The following ATF6 variants were observed in gnomAD, a reference collection of about 807,000 sequenced individuals.
The protein encoded by ATF6 is activating transcription factor 6.
Under a neutral mutation model 83.6 loss-of-function variants are expected in ATF6, and 53 were observed. That is an observed-to-expected ratio of 0.63 (90% CI 0.51 to 0.80). The LOEUF (loss-of-function observed/expected upper bound fraction) is 0.80, where lower values mean the gene tolerates loss of function less well. Ranked by LOEUF, ATF6 falls within the 30% of genes least tolerant of loss-of-function variation. The probability of loss-of-function intolerance (pLI) is 0.00; values close to 1 mark genes in which losing one functional copy is unlikely to be tolerated. For missense variants in ATF6, 744 were observed against 797.9 expected (o/e 0.93, Z 0.81); for synonymous variants, 288 against 285.8 (o/e 1.01, Z -0.08).
chr1:161,875,400 T>G (rs946914130), intron 14 of ATF6, among the ~76,000 whole-genome samples: 5 of 151,848 alleles, frequency 3.3e-5, no homozygotes, highest in Admixed American at 6.6e-5. Context: ...CATCATACAT[T>G]GGTCATTTGA....
In ATF6 at chr1:161,802,068, G is replaced by A. The variant is rs201567683; in HGVS notation, c.705G>A (p.Leu235=). ...CTAACGCAGGCCAGACGGTTTTGCT[G>A]TCTCAGCCTACTGTGGTACAACTTC... The part of the protein sequence containing the change: ...PAPTKGQTVL[L]SQPTVVQLQA... The change falls in exon 7 of 16, where the codon CTG becomes CTA. Residue 235 remains leucine, a synonymous_variant. Transcript: ENST00000367942. 3 of 1,614,036 alleles carry A rather than the reference G, an allele frequency of 1.9e-6. No individual in the cohort carries two copies. Among genetic ancestry groups the A allele is most frequent in the Non-Finnish European group, 2.5e-6 (3 of 1,179,974 alleles).
chr1:161,813,988 A>G (rs1685543734), intron 7 of ATF6, among the ~76,000 whole-genome samples: 1 of 151,224 alleles, frequency 6.6e-6, no homozygotes, highest in Non-Finnish European at 1.5e-5. Context: ...AGGTTCAAGC[A>G]ATTCTCCTGC....
At chr1:161,830,549 A>G (rs1686027565) in intron 9 of ATF6, among the ~76,000 whole-genome samples, 1 of 152,198 alleles carries the variant, frequency 6.6e-6, no homozygotes, top group Non-Finnish European at 1.5e-5. Context: ...TTCAAACTAT[A>G]CTACAAGGCT....
chr1:161,866,937 A>T lies in ATF6; in HGVS notation c.1719+3625A>T, dbSNP rs527347922. The stretch of plus-strand genomic sequence containing the variant: ...TAATTTTTATTTATTTTTTGTAGAG[A>T]TGGGGTCTCACTTTGTTGCCCAGGC... On this transcript the variant is annotated intron_variant, in intron 14 of 15. Transcript: ENST00000367942. Among the ~76,000 whole-genome samples the T allele has an allele frequency of 2.6e-5, 4 of 152,146 alleles. No individual in the cohort carries two copies. In the South Asian group the frequency reaches 8.3e-4, roughly 32 times the overall value.
At chr1:161,906,978 A>C (rs1687887988) in intron 14 of ATF6, among the ~76,000 whole-genome samples, 1 of 151,560 alleles carries the variant, frequency 6.6e-6, no homozygotes, top group Admixed American at 6.6e-5. Flanking sequence ...TAATTTTACC[A>C]CCCCTAATTT....
At chr1:161,950,519 G>C (rs1039972928) in intron 15 of ATF6, among the ~76,000 whole-genome samples, 1 of 152,170 alleles carries the variant, frequency 6.6e-6, no homozygotes, top group Non-Finnish European at 1.5e-5. Flanking sequence ...GTTTTTATGG[G>C]TCTTGAATTT....
chr1:161,929,324 T>A (rs1428490749), intron 15 of ATF6, among the ~76,000 whole-genome samples: 1 of 152,114 alleles, frequency 6.6e-6, no homozygotes, highest in Non-Finnish European at 1.5e-5. Flanking sequence ...AGACCATAGC[T>A]TACATCAGTG....
intron 7 of ATF6, 120 bp from the exon 8 acceptor site, chr1:161,819,513 C>G (rs1557977446): frequency 2.9e-6 from 2 of 687,890 alleles, no homozygotes; most frequent in South Asian, 1.1e-4. Context: ...TTTGAAACAA[C>G]TAGTAACCTA....
intron 14 of ATF6, among the ~76,000 whole-genome samples, chr1:161,905,148 T>C (rs956859602): frequency 2.6e-5 from 4 of 152,218 alleles, no homozygotes; most frequent in African/African-American, 9.6e-5. Context: ...CCCCTTTTTT[T>C]CTCCCCTTCC....
intron 9 of ATF6, among the ~76,000 whole-genome samples, chr1:161,833,640 G>A (rs1011604464): frequency 6.6e-6 from 1 of 152,166 alleles, no homozygotes; most frequent in African/African-American, 2.4e-5. Context: ...GCGATCAACT[G>A]GAAGAAAGGG....
At chr1:161,827,451 A>G (rs1055084084) in intron 9 of ATF6, among the ~76,000 whole-genome samples, 2 of 152,234 alleles carry the variant, frequency 1.3e-5, no homozygotes, top group Non-Finnish European at 2.9e-5. Flanking sequence ...TGTGAGCTCT[A>G]TCTGAACTTT....
Position 161,853,331 on chromosome 1 carries a change from T to C in ATF6, c.1533+8T>C, listed in dbSNP as rs7547538. 1.2e-4 allele frequency: 185 copies of C among 1,603,830 alleles called. No homozygotes were observed. In the African/African-American group the frequency reaches 2.0e-3, roughly 17 times the overall value. On this transcript the variant is annotated splice_region_variant and intron_variant, in intron 12 of 15. Coordinates refer to ENST00000367942, the MANE Select transcript of ATF6 (RefSeq NM_007348.4). ...AAAACCCGTATTCTTCAGGTATGTTTCTGTTTGTCTTTGAACAATAGTTGG... is the reference window on the plus strand; with the variant it reads ...AAAACCCGTATTCTTCAGGTATGTTCCTGTTTGTCTTTGAACAATAGTTGG...
chr1:161,847,539 A>G (rs1393777606), intron 10 of ATF6, among the ~76,000 whole-genome samples: 1 of 152,266 alleles, frequency 6.6e-6, no homozygotes, highest in East Asian at 1.9e-4. Flanking sequence ...GCAATGATAG[A>G]TGTCATAATG....
At chr1:161,839,650 G>T (rs1686307723) in intron 9 of ATF6, among the ~76,000 whole-genome samples, 2 of 152,184 alleles carry the variant, frequency 1.3e-5, no homozygotes, top group South Asian at 4.1e-4. Context: ...CGGGATTACA[G>T]GTGTGAGCCA....
intron 14 of ATF6, among the ~76,000 whole-genome samples, chr1:161,902,562 C>G (rs1406621587): frequency 6.6e-6 from 1 of 152,158 alleles, no homozygotes; most frequent in East Asian, 1.9e-4. Context: ...TGCAAAAAGG[C>G]TTGAAAATAG....
At position 161,810,453 on chromosome 1, in the gene ATF6, C is replaced by G. The variant is rs774230259; in HGVS notation, c.909+8181C>G. 2.0e-5 allele frequency among the ~76,000 whole-genome samples: 3 copies of G among 152,158 alleles called. No individual in the cohort carries two copies. The East Asian group carries it at 5.8e-4, about 29-fold the overall frequency. On this transcript the variant is annotated intron_variant, in intron 7 of 15. Coordinates refer to ENST00000367942, the MANE Select transcript of ATF6 (RefSeq NM_007348.4). ...AATCACCTTTCACCAGGCTCCTCCCCCAACATTGGGGATTACAATTCGACA... is the reference window on the plus strand; with the variant it reads ...AATCACCTTTCACCAGGCTCCTCCCGCAACATTGGGGATTACAATTCGACA...
intron 14 of ATF6, among the ~76,000 whole-genome samples, chr1:161,893,720 C>T (rs1399535792): frequency 6.6e-6 from 1 of 152,184 alleles, no homozygotes; most frequent in Non-Finnish European, 1.5e-5. Flanking sequence ...TACCATTTGA[C>T]AGGCTTTAAT....
At chr1:161,804,563 G>C (rs2101758984) in intron 7 of ATF6, among the ~76,000 whole-genome samples, 1 of 152,162 alleles carries the variant, frequency 6.6e-6, no homozygotes, top group African/African-American at 2.4e-5. Flanking sequence ...TGTTCTGCTT[G>C]TTCCAGAAGA....
At chr1:161,950,169 G>T (rs1289015855) in intron 15 of ATF6, among the ~76,000 whole-genome samples, 2 of 152,088 alleles carry the variant, frequency 1.3e-5, no homozygotes, top group African/African-American at 4.8e-5. Context: ...CATATGCCAG[G>T]CTTTTTAATA....
Sources: allele counts gnomAD v4.1 joint callset (sites outside exome capture counted in the v4.1 genomes callset), GRCh38; gene constraint gnomAD v4.1.1; transcripts MANE v1.5; gene names NCBI Gene and HGNC (gene_info 2026-07-23, HGNC 2026-07-21).